The following PCDH7 variants were observed in gnomAD, a reference collection of about 807,000 sequenced individuals.
PCDH7 encodes protocadherin 7.
A neutral mutation model predicts 58.9 loss-of-function variants in PCDH7; 17 were observed. The observed-to-expected ratio is 0.29, with a 90% CI of 0.20 to 0.43. The LOEUF is 0.43. Ranked by LOEUF, PCDH7 falls within the 20% of genes least tolerant of loss-of-function variation. The pLI, the probability that PCDH7 is intolerant of heterozygous loss-of-function variation, is 1.00. For synonymous variants in PCDH7, 664 were observed against 616.4 expected (o/e 1.08, Z -1.14); for missense variants, 1,274 against 1,441.0 (o/e 0.88, Z 1.88).
intron 1 of PCDH7, among the ~76,000 whole-genome samples, chr4:30,871,823 C>G (rs1290997087): frequency 6.6e-6 from 1 of 152,062 alleles, no homozygotes; most frequent in Non-Finnish European, 1.5e-5. Context: ...TAGCAACCTT[C>G]GTCACCCCAT....
chr4:30,926,837 G>A (rs1743935898), intron 2 of PCDH7, among the ~76,000 whole-genome samples: 1 of 151,952 alleles, frequency 6.6e-6, no homozygotes, highest in Admixed American at 6.6e-5. Flanking sequence ...TTATTTTTCA[G>A]GTGTACACCT....
intron 3 of PCDH7, among the ~76,000 whole-genome samples, chr4:31,135,262 A>T (rs577277247): frequency 7.9e-5 from 12 of 152,312 alleles, no homozygotes; most frequent in African/African-American, 2.6e-4. Flanking sequence ...CTGGCAACCT[A>T]GTATCTTAGG....
intron 3 of PCDH7, among the ~76,000 whole-genome samples, chr4:31,019,364 T>C (rs1339485811): frequency 6.6e-6 from 1 of 152,196 alleles, no homozygotes; most frequent in Non-Finnish European, 1.5e-5. Flanking sequence ...TTACCTTGCA[T>C]GAGGCCACAT....
chr4:30,848,664 G>C (rs1340627839), intron 1 of PCDH7, among the ~76,000 whole-genome samples: 2 of 152,202 alleles, frequency 1.3e-5, no homozygotes, highest in African/African-American at 4.8e-5. Flanking sequence ...CATGCTTAAA[G>C]TTCAGTTTGT....
At chr4:30,831,106 C>T (rs1729719957) in intron 1 of PCDH7, among the ~76,000 whole-genome samples, 1 of 152,076 alleles carries the variant, frequency 6.6e-6, no homozygotes, top group Admixed American at 6.6e-5. Flanking sequence ...CATTTCTTTA[C>T]CCTCCCAGGC....
At chr4:31,079,427 AAC>A (rs1759313965) in intron 3 of PCDH7, among the ~76,000 whole-genome samples, 1 of 146,072 alleles carries the variant, frequency 6.8e-6, no homozygotes, top group African/African-American at 2.5e-5. Context: ...GTGGCTGGTA[AAC>A]ACATGAAAAG....
intron 3 of PCDH7, among the ~76,000 whole-genome samples, chr4:31,106,622 T>C (rs2109306372): frequency 6.6e-6 from 1 of 152,368 alleles, no homozygotes. Context: ...TTACTTCCTA[T>C]TTAACATTAT....
At chr4:30,951,604 A>G (rs1465632279) in intron 3 of PCDH7, among the ~76,000 whole-genome samples, 2 of 152,184 alleles carry the variant, frequency 1.3e-5, no homozygotes, top group African/African-American at 4.8e-5. Flanking sequence ...AAATTCACAT[A>G]CAAAAAATAA....
intron 3 of PCDH7, among the ~76,000 whole-genome samples, chr4:30,966,383 T>G (rs1278284973): frequency 6.6e-6 from 1 of 152,186 alleles, no homozygotes; most frequent in Non-Finnish European, 1.5e-5. Context: ...TTGATTTTTC[T>G]AATTATTCAT....
intron 3 of PCDH7, among the ~76,000 whole-genome samples, chr4:30,989,117 C>G (rs191733797): frequency 6.6e-6 from 1 of 151,642 alleles, no homozygotes; most frequent in East Asian, 1.9e-4. Context: ...ATTGTGAATG[C>G]AAAACTTTTT....
Position 30,728,263 on chromosome 4 carries a change from GTATACATACATATGTATATA to G in PCDH7, c.3175-2485_3175-2466del, listed in dbSNP as rs1279614822. ...AATTCATTTGTGTGTGTGTGTGTGT[GTATACATACATATGTATATA>G]TATATATATATATAGAGAGAGAGAG... On this transcript the variant is annotated intron_variant, in intron 1 of 1. Transcript: ENST00000361762. 3.0e-4 allele frequency among the ~76,000 whole-genome samples: 41 copies of G among 138,130 alleles called. No individual in the cohort carries two copies. The South Asian group carries it at 9.4e-3, about 32-fold the overall frequency. The allele number at this position is 138,130 out of a possible 152,430, so 90.6% of individuals were successfully genotyped here. A position where few individuals can be genotyped will look rare whatever the true frequency, so the allele number is the denominator to read the frequency against.
intron 3 of PCDH7, among the ~76,000 whole-genome samples, chr4:31,018,178 T>C (rs1753762986): frequency 6.6e-6 from 1 of 152,180 alleles, no homozygotes. Context: ...AATTTTCTTC[T>C]GCAAAATTCT....
chr4:30,911,120 G>A (rs1231342275), intron 1 of PCDH7, among the ~76,000 whole-genome samples: 3 of 152,032 alleles, frequency 2.0e-5, no homozygotes, highest in Non-Finnish European at 4.4e-5. Flanking sequence ...AAAACACATG[G>A]GCACAGGGAG....
At chr4:30,865,426 C>G (rs182829484) in intron 1 of PCDH7, among the ~76,000 whole-genome samples, 363 of 151,990 alleles carry the variant, frequency 2.4e-3, no homozygotes, top group African/African-American at 8.5e-3. Flanking sequence ...AGTGAGTTCC[C>G]ATCCCTAAGG....
chr4:31,143,727 T>A (rs1720496015), downstream of PCDH7: 1 of 152,156 alleles, frequency 6.6e-6, no homozygotes, highest in Non-Finnish European at 1.5e-5. Flanking sequence ...AGTCATGAAG[T>A]TGATTTGGTC....
chr4:30,782,102 T>G (rs920184983), intron 1 of PCDH7, among the ~76,000 whole-genome samples: 1 of 152,134 alleles, frequency 6.6e-6, no homozygotes. Context: ...ATAGAATATA[T>G]ATTTGTGAAT....
In PCDH7 at chr4:30,721,367, G is replaced by A. The variant is rs909927726; in HGVS notation, c.-56G>A. On this transcript the variant is annotated 5_prime_UTR_variant, in exon 1 of 2. Coordinates refer to ENST00000361762, the Ensembl canonical transcript of PCDH7. This position sits in a 1 kb window ranked among gnomAD's most constrained non-coding sequence, Gnocchi z 6.7. ...GGGCAGGCGGCCGGCCCCGGAGGAGGGGGGCGCCGAGGGGGCTGTGGTTAG... is the reference window on the plus strand; with the variant it reads ...GGGCAGGCGGCCGGCCCCGGAGGAGAGGGGCGCCGAGGGGGCTGTGGTTAG... The A allele has an allele frequency of 1.4e-6, 2 of 1,419,072 alleles. No homozygotes were observed. The highest frequency in any genetic ancestry group is 2.6e-5 in the East Asian group (1 of 38,892). 87.9% of individuals were successfully genotyped at this position (1,419,072 alleles called of 1,614,324 possible). A position where few individuals can be genotyped will look rare whatever the true frequency, so the allele number is the denominator to read the frequency against.
chr4:30,948,814 G>A (rs1230586508), intron 2 of PCDH7, among the ~76,000 whole-genome samples: 1 of 152,134 alleles, frequency 6.6e-6, no homozygotes, highest in Non-Finnish European at 1.5e-5. Context: ...GGTGGGTCAT[G>A]TTATTTTAAC....
chr4:30,920,006 G>C, intron 1 of PCDH7, 147 bp from the exon 2 acceptor site: 1 of 448,932 alleles, frequency 2.2e-6, no homozygotes, highest in Non-Finnish European at 3.8e-6. Context: ...ATAATACATA[G>C]TTAACTAATG....
Sources: allele counts gnomAD v4.1 joint callset (sites outside exome capture counted in the v4.1 genomes callset), GRCh38; gene constraint gnomAD v4.1.1; non-coding constraint Gnocchi (gnomAD v3.1); transcripts MANE v1.5; gene names NCBI Gene and HGNC (gene_info 2026-07-23, HGNC 2026-07-21).